RHBDD1: variants seen among roughly 807,000 people sequenced by gnomAD.
The protein encoded by RHBDD1 is rhomboid-related protein 4.
RHBDD1 carries 38 observed loss-of-function variants against 36.3 expected under a neutral mutation model. That is an observed-to-expected ratio of 1.05 (90% confidence interval 0.81 to 1.37). The LOEUF is 1.37. Among genes scored for constraint, RHBDD1 ranks in the 40% most tolerant of loss-of-function variants. RHBDD1 has a pLI of 0.00. For missense variants in RHBDD1, 393 were observed against 377.6 expected (o/e 1.04, Z -0.34); for synonymous variants, 151 against 136.5 (o/e 1.11, Z -0.74).
At chr2:226,849,773 C>G (rs986598465) in intron 3 of RHBDD1, among the ~76,000 whole-genome samples, 2 of 152,180 alleles carry the variant, frequency 1.3e-5, no homozygotes, top group Non-Finnish European at 2.9e-5. Context: ...GTATCTATAT[C>G]TATATATCTA....
At chr2:226,993,884 A>C (rs1958811303) in intron 8 of RHBDD1, among the ~76,000 whole-genome samples, 1 of 152,226 alleles carries the variant, frequency 6.6e-6, no homozygotes, top group African/African-American at 2.4e-5. Context: ...ATGTCAGCTT[A>C]TGCATAGATG....
chr2:226,912,332 C>T (rs192606883), intron 7 of RHBDD1, among the ~76,000 whole-genome samples: 151 of 152,234 alleles, frequency 9.9e-4, no homozygotes, highest in Non-Finnish European at 1.5e-3. Context: ...CGCCATGTGA[C>T]GCAGCAGTTC....
chr2:226,943,633 C>G (rs1158330832), intron 8 of RHBDD1, among the ~76,000 whole-genome samples: 4 of 136,826 alleles, frequency 2.9e-5, no homozygotes, highest in Non-Finnish European at 4.6e-5. Flanking sequence ...TAAGCTGGGT[C>G]TCTGGGGGTT....
chr2:226,872,988 G>A (rs1321405532), intron 5 of RHBDD1, among the ~76,000 whole-genome samples: 1 of 152,172 alleles, frequency 6.6e-6, no homozygotes, highest in Non-Finnish European at 1.5e-5. Context: ...CTATATGAAT[G>A]AGAAGTGAGT....
intron 3 of RHBDD1, among the ~76,000 whole-genome samples, chr2:226,855,069 G>A (rs1409046726): frequency 6.6e-6 from 1 of 152,200 alleles, no homozygotes; most frequent in Non-Finnish European, 1.5e-5. Flanking sequence ...CCTTCCACAT[G>A]GGTGGCACTG....
intron 8 of RHBDD1, among the ~76,000 whole-genome samples, chr2:226,962,739 A>G (rs555558658): frequency 1.3e-5 from 2 of 152,346 alleles, no homozygotes; most frequent in Non-Finnish European, 1.5e-5. Flanking sequence ...TACATACCAT[A>G]TGCTTTCTTA....
chr2:226,955,173 A>G, intron 8 of RHBDD1, among the ~76,000 whole-genome samples: 1 of 152,090 alleles, frequency 6.6e-6, no homozygotes, highest in Non-Finnish European at 1.5e-5. Flanking sequence ...TAACATCTTG[A>G]TGATATCGTC....
At chr2:226,906,974 C>A in intron 6 of RHBDD1, 93 bp downstream of exon 6, 2 of 1,333,928 alleles carry the variant, frequency 1.5e-6, no homozygotes, top group Non-Finnish European at 2.1e-6. Flanking sequence ...CCCTGTGGTT[C>A]AGCTCAAGAA....
At chr2:226,842,373 G>A (rs566849525) in intron 3 of RHBDD1, among the ~76,000 whole-genome samples, 4 of 152,060 alleles carry the variant, frequency 2.6e-5, no homozygotes, top group Admixed American at 6.5e-5. Flanking sequence ...CCATACCTAT[G>A]TCCTGAATGG....
intron 8 of RHBDD1, among the ~76,000 whole-genome samples, chr2:226,994,763 G>A (rs1959040100): frequency 6.6e-6 from 1 of 152,102 alleles, no homozygotes; most frequent in Non-Finnish European, 1.5e-5. Flanking sequence ...TTCTTATGTA[G>A]TGATTGAAAT....
chr2:226,821,985 T>C, the RHBDD1 span, among the ~76,000 whole-genome samples: 12 of 152,196 alleles, frequency 7.9e-5, no homozygotes, highest in African/African-American at 2.9e-4. Flanking sequence ...AAATTAAGTT[T>C]CAGGGGGTTT....
At chr2:226,803,766 A>G in the RHBDD1 span, among the ~76,000 whole-genome samples, 3 of 152,198 alleles carry the variant, frequency 2.0e-5, no homozygotes, top group Non-Finnish European at 2.9e-5. Context: ...TGTAATTAAA[A>G]TCTTTCATCT....
At chr2:226,965,378 T>C (rs1952543879) in intron 8 of RHBDD1, among the ~76,000 whole-genome samples, 2 of 152,106 alleles carry the variant, frequency 1.3e-5, no homozygotes, top group Admixed American at 1.3e-4. Context: ...AGTTCTGTTG[T>C]TTTAAGGAAC....
intron 3 of RHBDD1, among the ~76,000 whole-genome samples, chr2:226,861,124 C>A (rs935464396): frequency 2.6e-5 from 4 of 152,188 alleles, no homozygotes; most frequent in African/African-American, 9.7e-5. Context: ...ACTATATCTT[C>A]TTCTAAGATT....
intron 8 of RHBDD1, among the ~76,000 whole-genome samples, chr2:226,931,532 A>G (rs1950031231): frequency 6.6e-6 from 1 of 152,052 alleles, no homozygotes; most frequent in Admixed American, 6.6e-5. Context: ...AAAAGCCTAC[A>G]TATTGGATAC....
At chr2:226,913,373 C>G (rs1948655166) in intron 7 of RHBDD1, among the ~76,000 whole-genome samples, 1 of 152,166 alleles carries the variant, frequency 6.6e-6, no homozygotes, top group South Asian at 2.1e-4. Flanking sequence ...ACTTCTCTCT[C>G]TTTATGCCAG....
intron 3 of RHBDD1, among the ~76,000 whole-genome samples, chr2:226,859,181 A>G (rs557354959): frequency 1.2e-4 from 18 of 152,306 alleles, no homozygotes; most frequent in African/African-American, 2.4e-4. Flanking sequence ...GAGAAATACA[A>G]TTGGCCCTCC....
chr2:226,810,828 A>T, the RHBDD1 span: 1 of 152,156 alleles, frequency 6.6e-6, no homozygotes. Flanking sequence ...TGTAAAACTA[A>T]TGTTACTGTT....
intron 8 of RHBDD1, among the ~76,000 whole-genome samples, chr2:226,927,885 TC>T (rs1229271068): frequency 6.6e-6 from 1 of 152,136 alleles, no homozygotes. Flanking sequence ...GCAAATATTT[TC>T]CCTGAGTCTG....
Sources: allele counts gnomAD v4.1 joint callset (sites outside exome capture counted in the v4.1 genomes callset), GRCh38; gene constraint gnomAD v4.1.1; transcripts MANE v1.5; gene names NCBI Gene and HGNC (gene_info 2026-07-23, HGNC 2026-07-21).